Variants in RTTN observed in about 807,000 individuals in gnomAD.
The protein encoded by RTTN is rotatin.
A neutral mutation model predicts 269.2 loss-of-function variants in RTTN; 182 were observed. That is an observed-to-expected ratio of 0.68 (90% CI 0.60 to 0.76). RTTN has a LOEUF of 0.76. Among genes scored for constraint, RTTN ranks in the 30% least tolerant of loss-of-function variants. The probability of loss-of-function intolerance (pLI) is 0.00; values close to 1 mark genes in which losing one functional copy is unlikely to be tolerated. For synonymous variants in RTTN, 1,006 were observed against 963.5 expected (o/e 1.04, Z -0.82); for missense variants, 2,545 against 2,608.6 (o/e 0.98, Z 0.53).
chr18:70,116,973 A>G (rs945927042), intron 26 of RTTN, among the ~76,000 whole-genome samples: 1 of 150,168 alleles, frequency 6.7e-6, no homozygotes, highest in African/African-American at 2.4e-5. Context: ...AGGTTACTAT[A>G]AACAAAATAT....
At chr18:70,100,713 C>G (rs182250) in intron 28 of RTTN, among the ~76,000 whole-genome samples, 1 of 152,098 alleles carries the variant, frequency 6.6e-6, no homozygotes, top group African/African-American at 2.4e-5. Context: ...GGCTGTGGGT[C>G]TGTCATAAAT....
chr18:70,094,876 T>C (rs1206067694), intron 28 of RTTN, among the ~76,000 whole-genome samples: 1 of 152,008 alleles, frequency 6.6e-6, no homozygotes, highest in Non-Finnish European at 1.5e-5. Context: ...ATTTTCAGTC[T>C]CGTTGATCTA....
At chr18:70,170,440 T>C (rs1298290250) in intron 11 of RTTN, among the ~76,000 whole-genome samples, 2 of 152,246 alleles carry the variant, frequency 1.3e-5, no homozygotes, top group African/African-American at 4.8e-5. Flanking sequence ...AGGGAACTGC[T>C]ACTTCTCCAA....
At chr18:70,144,366 T>C (rs2060334633) in intron 18 of RTTN, among the ~76,000 whole-genome samples, 1 of 152,056 alleles carries the variant, frequency 6.6e-6, no homozygotes, top group Admixed American at 6.6e-5. Context: ...CATTCTTTCT[T>C]TTAGAAGACC....
intron 39 of RTTN, among the ~76,000 whole-genome samples, chr18:70,050,918 G>C (rs930410121): frequency 3.3e-5 from 5 of 152,118 alleles, no homozygotes; most frequent in Admixed American, 3.3e-4. Flanking sequence ...ACCGTGTCGG[G>C]GGATGAGAAG....
chr18:70,189,952 G>A (rs1237810942), intron 9 of RTTN, among the ~76,000 whole-genome samples: 1 of 152,116 alleles, frequency 6.6e-6, no homozygotes, highest in African/African-American at 2.4e-5. Flanking sequence ...GAACAAAAAT[G>A]GGATCTCAAA....
At chr18:70,194,614 T>C (rs1011843499) in intron 7 of RTTN, 11 of 152,260 alleles carry the variant, frequency 7.2e-5, no homozygotes, top group African/African-American at 2.7e-4. Context: ...AAAGGAATAT[T>C]ATTCAGCCAT....
At chr18:70,187,210 TATAG>T (rs1286618816) in intron 10 of RTTN, among the ~76,000 whole-genome samples, 6 of 152,284 alleles carry the variant, frequency 3.9e-5, no homozygotes, top group South Asian at 2.1e-4. Flanking sequence ...AAATCTCACG[TATAG>T]ATAGATAGGG....
intron 9 of RTTN, among the ~76,000 whole-genome samples, chr18:70,189,599 T>C (rs2061623728): frequency 6.6e-6 from 1 of 152,196 alleles, no homozygotes. Context: ...GGACTTTAGA[T>C]TCAAAAGAAT....
intron 30 of RTTN, among the ~76,000 whole-genome samples, chr18:70,089,486 G>A (rs1442556691): frequency 6.6e-6 from 1 of 152,136 alleles, no homozygotes; most frequent in Non-Finnish European, 1.5e-5. Context: ...TGTTATGGAA[G>A]CCTGAGCACA....
At chr18:70,085,801 T>C (rs941609799) in intron 32 of RTTN, among the ~76,000 whole-genome samples, 4 of 151,988 alleles carry the variant, frequency 2.6e-5, no homozygotes, top group Non-Finnish European at 5.9e-5. Context: ...AAGACAGACA[T>C]AACAGACACT....
At chr18:70,169,117 T>C in intron 11 of RTTN, 50 bp from the exon 12 acceptor site, 1 of 1,393,702 alleles carries the variant, frequency 7.2e-7, no homozygotes, top group East Asian at 2.5e-5. Context: ...TAAAAAAAAC[T>C]TATTTTAGAG....
chr18:70,200,754 G>A (rs944107069), intron 4 of RTTN, among the ~76,000 whole-genome samples: 5 of 152,156 alleles, frequency 3.3e-5, no homozygotes, highest in Non-Finnish European at 5.9e-5. Flanking sequence ...TGGTAAGTAC[G>A]TGATTACTTA....
chr18:70,079,624 G>T (rs984353967), intron 32 of RTTN, among the ~76,000 whole-genome samples: 7 of 152,078 alleles, frequency 4.6e-5, no homozygotes, highest in African/African-American at 1.7e-4. Context: ...GACTAGCCTT[G>T]CCCTCAGGTG....
At position 70,005,097 on chromosome 18, in the gene RTTN, C is replaced by T. The variant is rs1484962290; in HGVS notation, c.6595+101G>A. On this transcript the variant is annotated intron_variant, in intron 48 of 48. Transcript: ENST00000640769. ...ACATACTGAATATTGGCACATTTTA[C>T]AATGCCATTTTGCTGTGGCCTGTCC... 3 of 681,840 alleles carry T rather than the reference C, an allele frequency of 4.4e-6. No homozygotes were observed. The African/African-American group carries it at 5.5e-5, about 12-fold the overall frequency. 42.2% of individuals were successfully genotyped at this position (681,840 alleles called of 1,614,324 possible).
Position 70,024,584 on chromosome 18 carries a change from C to T in RTTN, c.5950+138G>A, listed in dbSNP as rs17081993. The T allele has an allele frequency of 5.6e-3, 4,065 of 732,428 alleles. 114 individuals are homozygous for T. In the African/African-American group the frequency reaches 0.066, roughly 12 times the overall value. The allele number at this position is 732,428 out of a possible 1,614,324, so 45.4% of individuals were successfully genotyped here. A position where few individuals can be genotyped will look rare whatever the true frequency, so the allele number is the denominator to read the frequency against. On this transcript the variant is annotated intron_variant, in intron 44 of 48. Transcript: ENST00000640769. The stretch of plus-strand genomic sequence containing the variant: ...TGCTCTCATAATACCTACGAGAAAG[C>T]TTGCCTTTGCCCATCATATCCTCAA...
chr18:70,099,750 T>C (rs1411065219), intron 28 of RTTN, among the ~76,000 whole-genome samples: 2 of 152,232 alleles, frequency 1.3e-5, no homozygotes, highest in African/African-American at 4.8e-5. Flanking sequence ...CTTGAATTAA[T>C]TTTTGTGTAA....
intron 14 of RTTN, among the ~76,000 whole-genome samples, chr18:70,154,698 C>A (rs2060627995): frequency 6.6e-6 from 1 of 152,100 alleles, no homozygotes; most frequent in Non-Finnish European, 1.5e-5. Context: ...GTTCTACAGT[C>A]GACATGTCAT....
At chr18:70,070,864 A>C (rs1324570010) in intron 34 of RTTN, among the ~76,000 whole-genome samples, 1 of 152,244 alleles carries the variant, frequency 6.6e-6, no homozygotes, top group Non-Finnish European at 1.5e-5. Flanking sequence ...TTAAGTGGTC[A>C]CTGAATCCTA....
Sources: allele counts gnomAD v4.1 joint callset (sites outside exome capture counted in the v4.1 genomes callset), GRCh38; gene constraint gnomAD v4.1.1; transcripts MANE v1.5; gene names NCBI Gene and HGNC (gene_info 2026-07-23, HGNC 2026-07-21).